The following ARFGEF1 variants were observed in gnomAD, a reference collection of about 807,000 sequenced individuals.
ARFGEF1 encodes the protein ARF guanine nucleotide exchange factor 1, also known as brefeldin A-inhibited guanine nucleotide-exchange protein 1.
In ARFGEF1, 42 loss-of-function variants were observed where a neutral mutation model predicts 231.0. The ratio of observed to expected loss-of-function variants is 0.18; its 90% confidence interval spans 0.14 to 0.24. The LOEUF is 0.24. Among genes scored for constraint, ARFGEF1 ranks in the 10% least tolerant of loss-of-function variants. The pLI is 1.00. For synonymous variants in ARFGEF1, 710 were observed against 732.3 expected (o/e 0.97, Z 0.49); for missense variants, 1,345 against 2,192.0 (o/e 0.61, Z 7.72).
At chr8:67,240,080 A>G in intron 20 of ARFGEF1, 82 bp downstream of exon 20, 1 of 1,529,664 alleles carries the variant, frequency 6.5e-7, no homozygotes. Context: ...TCACACATAA[A>G]CAATTATTGT....
At position 67,301,377 on chromosome 8, in the gene ARFGEF1, A is replaced by G; in HGVS notation, c.159T>C (p.Pro53=). 2 of 1,611,166 alleles carry G rather than the reference A, an allele frequency of 1.2e-6. No individual in the cohort carries two copies. Among genetic ancestry groups the G allele is most frequent in the Non-Finnish European group, 8.5e-7 (1 of 1,179,144 alleles). Residue 53 remains proline, a synonymous_variant, in exon 3 of 39, where the codon CCT becomes CCC. Transcript: ENST00000262215. ...EIKAETEKQS[P]PHGEAKAGSS... is the part of the protein sequence containing the mutation. Reference sequence around the variant, plus strand: ...ATCCAGCTTTTGCTTCTCCATGAGGAGGACTAAATGAGAAAGAAAAGTCTG... The same window carrying G: ...ATCCAGCTTTTGCTTCTCCATGAGGGGGACTAAATGAGAAAGAAAAGTCTG...
At chr8:67,183,811 A>G (rs1328614804) in intron 5 of ARFGEF1, among the ~76,000 whole-genome samples, 1 of 151,450 alleles carries the variant, frequency 6.6e-6, no homozygotes, top group African/African-American at 2.4e-5. Context: ...GAAAGAAATA[A>G]TTGATAAGCC....
intron 27 of ARFGEF1, among the ~76,000 whole-genome samples, chr8:67,226,482 C>T (rs1405353859): frequency 6.6e-6 from 1 of 152,094 alleles, no homozygotes; most frequent in Non-Finnish European, 1.5e-5. Context: ...CTTAACCTCT[C>T]TGTATCTCGG....
At chr8:67,332,534 T>C (rs946730204) in intron 1 of ARFGEF1, among the ~76,000 whole-genome samples, 3 of 152,186 alleles carry the variant, frequency 2.0e-5, no homozygotes, top group East Asian at 1.9e-4. Flanking sequence ...TAAAATTATA[T>C]TGTACACGAC....
In ARFGEF1 at chr8:67,244,863, C is replaced by T. The variant is rs1420397399; in HGVS notation, c.2851-4573G>A. ...AAACCTAGATAAAAATAACAGTATC[C>T]AGTACAAGAAGGTTATAGAACATCA... On this transcript the variant is annotated intron_variant, in intron 19 of 38. Coordinates refer to ENST00000262215, the MANE Select transcript of ARFGEF1 (RefSeq NM_006421.5). 5.3e-5 allele frequency among the ~76,000 whole-genome samples: 8 copies of T among 150,228 alleles called. 2 individuals are homozygous for T. The highest frequency in any genetic ancestry group is 2.0e-4 in the African/African-American group (8 of 40,164).
At position 67,200,371 on chromosome 8, in the gene ARFGEF1, G is replaced by C. The variant is rs139219534; in HGVS notation, c.5385+25C>G. ...ATGCGAATTGGGCTAGAAATGTGGG[G>C]CTGGATTCGAAGCCTCATACTTACC... On this transcript the variant is annotated intron_variant, in intron 38 of 38. Coordinates refer to ENST00000262215, the MANE Select transcript of ARFGEF1 (RefSeq NM_006421.5). 4.1e-6 allele frequency: 6 copies of C among 1,472,414 alleles called. No homozygotes were observed. In the South Asian group the frequency reaches 6.8e-5, roughly 17 times the overall value. The allele number at this position is 1,472,414 out of a possible 1,614,324, so 91.2% of individuals were successfully genotyped here.
chr8:67,256,417 T>C (rs1041613746), intron 17 of ARFGEF1, among the ~76,000 whole-genome samples: 1 of 152,194 alleles, frequency 6.6e-6, no homozygotes. Flanking sequence ...TATATAATCG[T>C]ATATATTCTT....
chr8:67,199,362 T>C (rs1458562808), intron 38 of ARFGEF1: 2 of 322,926 alleles, frequency 6.2e-6, no homozygotes, highest in Admixed American at 5.1e-5. Flanking sequence ...AGCACTGTTT[T>C]TCCTGGGTAA....
At chr8:67,193,746 T>C (rs1165084384), downstream of ARFGEF1, 19 of 603,492 alleles carry the variant, frequency 3.1e-5, no homozygotes, top group Non-Finnish European at 4.6e-5. Flanking sequence ...ATAGTAACTA[T>C]TGAGCAAAAC....
chr8:67,297,857 G>A (rs1486082640), intron 4 of ARFGEF1, among the ~76,000 whole-genome samples: 1 of 149,694 alleles, frequency 6.7e-6, no homozygotes, highest in Non-Finnish European at 1.5e-5. Flanking sequence ...AGCCTGAAGT[G>A]CAGTGCAGTG....
chr8:67,336,843 A>G (rs991977291), intron 1 of ARFGEF1, among the ~76,000 whole-genome samples: 1 of 152,096 alleles, frequency 6.6e-6, no homozygotes, highest in Non-Finnish European at 1.5e-5. Flanking sequence ...AAAACCTGAC[A>G]AGGCAGGCCG....
At chr8:67,238,523 A>G in intron 21 of ARFGEF1, 30 bp from the exon 22 acceptor site, 1 of 1,578,564 alleles carries the variant, frequency 6.3e-7, no homozygotes, top group South Asian at 1.2e-5. Context: ...AAAATGTTAA[A>G]TTCCATGTTA....
chr8:67,300,835 C>T (rs558656512), intron 3 of ARFGEF1, among the ~76,000 whole-genome samples: 2 of 150,428 alleles, frequency 1.3e-5, no homozygotes, highest in African/African-American at 2.4e-5. Flanking sequence ...CAGAGCAAGA[C>T]TTCGTCTCAA....
chr8:67,303,445 TC>T (rs1806592083), intron 1 of ARFGEF1, among the ~76,000 whole-genome samples: 1 of 152,216 alleles, frequency 6.6e-6, no homozygotes, highest in Non-Finnish European at 1.5e-5. Flanking sequence ...GCACAGTGGC[TC>T]ATGCCTGTAA....
At chr8:67,244,749 C>A (rs1386153591) in intron 19 of ARFGEF1, among the ~76,000 whole-genome samples, 1 of 150,056 alleles carries the variant, frequency 6.7e-6, no homozygotes, top group African/African-American at 2.5e-5. Flanking sequence ...TTTAAAAGGG[C>A]AATTCTAAAA....
At chr8:67,231,646 G>C (rs553520583) in intron 23 of ARFGEF1, among the ~76,000 whole-genome samples, 1 of 152,176 alleles carries the variant, frequency 6.6e-6, no homozygotes, top group East Asian at 1.9e-4. Context: ...TGACAAGAAA[G>C]CTAGCCCGGT....
chr8:67,262,556 G>C (rs1297646593), intron 14 of ARFGEF1, among the ~76,000 whole-genome samples: 2 of 152,176 alleles, frequency 1.3e-5, no homozygotes, highest in African/African-American at 4.8e-5. Context: ...TATTACTGTA[G>C]GTAAATACTA....
At chr8:67,315,282 G>C (rs1412994891) in intron 1 of ARFGEF1, among the ~76,000 whole-genome samples, 1 of 152,072 alleles carries the variant, frequency 6.6e-6, no homozygotes, top group Admixed American at 6.5e-5. Context: ...AGAACTAAAA[G>C]GAGAAACAGA....
At chr8:67,223,929 C>G (rs1164914014) in intron 29 of ARFGEF1, among the ~76,000 whole-genome samples, 1 of 152,098 alleles carries the variant, frequency 6.6e-6, no homozygotes, top group Non-Finnish European at 1.5e-5. Context: ...TTCTATAGTG[C>G]TCTCATAATT....
Sources: allele counts gnomAD v4.1 joint callset (sites outside exome capture counted in the v4.1 genomes callset), GRCh38; gene constraint gnomAD v4.1.1; transcripts MANE v1.5; gene names NCBI Gene and HGNC (gene_info 2026-07-23, HGNC 2026-07-21).